The following PLEKHG7 variants were observed in gnomAD, a reference collection of about 807,000 sequenced individuals.
PLEKHG7 encodes pleckstrin homology domain-containing family G member 7.
In PLEKHG7, 77 loss-of-function variants were observed where a neutral mutation model predicts 85.2. The ratio of observed to expected loss-of-function variants is 0.90; its 90% CI spans 0.75 to 1.09. The LOEUF is 1.09. PLEKHG7 is among the 50% of genes least tolerant of loss of function. PLEKHG7 has a pLI of 0.00. For synonymous variants in PLEKHG7, 301 were observed against 302.4 expected (o/e 1.00, Z 0.05); for missense variants, 777 against 804.3 (o/e 0.97, Z 0.41).
intron 11 of PLEKHG7, among the ~76,000 whole-genome samples, chr12:92,755,243 T>C (rs1180745608): frequency 2.0e-5 from 3 of 152,218 alleles, no homozygotes; most frequent in Non-Finnish European, 4.4e-5. Flanking sequence ...ACCTTAAAGA[T>C]GGTGAATTCT....
chr12:92,706,983 G>A lies in PLEKHG7; in HGVS notation c.352G>A (p.Ala118Thr), dbSNP rs1291855582. ...LTSEPERALN[A>T]ADSLEPQTRP... ...CTCTGAACCTGAAAGGGCCCTGAAT[G>A]CAGCTGACTCACTGGAGCCCCAAAC... Residue 118 changes from alanine to threonine, a missense_variant, in exon 2 of 17, where the codon GCA (alanine) becomes ACA (threonine). Ala to Thr is a moderately conservative substitution (Grantham distance 58). Coordinates refer to ENST00000344636, the MANE Select transcript of PLEKHG7 (RefSeq NM_001377329.1). The A allele has an allele frequency of 6.2e-7, 1 of 1,614,154 alleles. No individual in the cohort carries two copies. Among genetic ancestry groups the A allele is most frequent in the Middle Eastern group, 1.6e-4 (1 of 6,062 alleles).
Position 92,770,270 on chromosome 12 carries a change from C to T in PLEKHG7, c.*75C>T, listed in dbSNP as rs1042381518. The stretch of plus-strand genomic sequence containing the variant: ...TAATTTCATTCAAAGTTTTGTAACA[C>T]TTAGCTAGTGATAAGCTAGAAGGAA... On this transcript the variant is annotated 3_prime_UTR_variant, in exon 17 of 17. Transcript: ENST00000344636. 3 of 1,089,272 alleles carry T rather than the reference C, an allele frequency of 2.8e-6. No homozygotes were observed. The highest frequency in any genetic ancestry group is 4.0e-6 in the Non-Finnish European group (3 of 741,690). 67.5% of individuals were successfully genotyped at this position (1,089,272 alleles called of 1,614,324 possible).
Position 92,706,604 on chromosome 12 carries a change from T to C in PLEKHG7, c.-28T>C. ...GCAACTCATACGTCTTCTGGAACCT[T>C]CTACCAACAGTAGAACCTCTTAGCT... is the stretch of plus-strand genomic sequence containing the variant. On this transcript the variant is annotated 5_prime_UTR_variant, in exon 2 of 17. Coordinates refer to ENST00000344636, the MANE Select transcript of PLEKHG7 (RefSeq NM_001377329.1). 1 of 1,564,806 alleles carries C rather than the reference T, an allele frequency of 6.4e-7. No homozygotes were observed. The highest frequency in any genetic ancestry group is 8.6e-7 in the Non-Finnish European group (1 of 1,157,366).
At chr12:92,736,410 G>A (rs1872151559) in intron 5 of PLEKHG7, 72 bp from the exon 6 acceptor site, 2 of 946,976 alleles carry the variant, frequency 2.1e-6, no homozygotes, top group South Asian at 1.1e-4. Context: ...AACGAAAGAT[G>A]CCAAGGCTAC....
chr12:92,737,749 G>GAGGGAGGAAGGGAAGGAAGGAAGGAAGGA (rs1872211145), intron 7 of PLEKHG7, among the ~76,000 whole-genome samples: 1 of 125,938 alleles, frequency 7.9e-6, no homozygotes, highest in Non-Finnish European at 1.6e-5. Flanking sequence ...GGGAGGGAGG[G>GAGGGAGGAAGGGAAGGAAGGAAGGAAGGA]AGGAAGGAAG....
At chr12:92,742,116 CTAATTTTA>C (rs1270630876) in intron 9 of PLEKHG7, among the ~76,000 whole-genome samples, 1 of 152,106 alleles carries the variant, frequency 6.6e-6, no homozygotes, top group Non-Finnish European at 1.5e-5. Context: ...GGTTTTTAAT[CTAATTTTA>C]ATCTAATTTC....
intron 9 of PLEKHG7, among the ~76,000 whole-genome samples, chr12:92,742,892 G>A (rs969428884): frequency 3.3e-5 from 5 of 152,084 alleles, no homozygotes; most frequent in African/African-American, 4.8e-5. Flanking sequence ...CTGGAGAAAT[G>A]TCAGCTTCTC....
chr12:92,753,301 GC>G (rs537517666), intron 10 of PLEKHG7, among the ~76,000 whole-genome samples: 50 of 152,188 alleles, frequency 3.3e-4, no homozygotes, highest in Non-Finnish European at 5.4e-4. Flanking sequence ...CTTCATTAAA[GC>G]CAGAGCCCCT....
Position 92,764,198 on chromosome 12 carries a change from T to G in PLEKHG7, c.1870+4T>G, listed in dbSNP as rs761593676. ...ATTGAACCACTCCATGTGTCAGGTA[T>G]GTGTCTATTTTCATTATTCAGCTCA... On this transcript the variant is annotated splice_donor_region_variant and intron_variant, in intron 15 of 16. Coordinates refer to ENST00000344636, the MANE Select transcript of PLEKHG7 (RefSeq NM_001377329.1). 2.0e-5 allele frequency: 32 copies of G among 1,599,256 alleles called. No individual in the cohort carries two copies. In the South Asian group the frequency reaches 3.4e-4, roughly 17 times the overall value.
At chr12:92,762,631 A>G (rs548144503) in intron 14 of PLEKHG7, among the ~76,000 whole-genome samples, 1 of 152,320 alleles carries the variant, frequency 6.6e-6, no homozygotes, top group East Asian at 1.9e-4. Flanking sequence ...GGTATCAAGT[A>G]GAGAAGTTTA....
Position 92,764,145 on chromosome 12 carries a change from T to C in PLEKHG7, c.1821T>C (p.Ile607=), listed in dbSNP as rs1873117399. The change falls in exon 15 of 17, where the codon ATT becomes ATC. Residue 607 remains isoleucine (I), a synonymous_variant. Coordinates refer to ENST00000344636, the MANE Select transcript of PLEKHG7 (RefSeq NM_001377329.1). ...GGSCTVLDQP[I]PLDRLVVKSI... Reference sequence around the variant, plus strand: ...CGTGTACAGTACTCGATCAGCCTATTCCACTAGATAGATTGGTAGTCAAAA... The same window carrying C: ...CGTGTACAGTACTCGATCAGCCTATCCCACTAGATAGATTGGTAGTCAAAA... 6.2e-7 allele frequency: 1 copy of C among 1,609,766 alleles called. No homozygotes were observed. Among genetic ancestry groups the C allele is most frequent in the African/African-American group, 1.3e-5 (1 of 74,764 alleles).
chr12:92,710,937 T>G (rs551269186), intron 3 of PLEKHG7, among the ~76,000 whole-genome samples: 8 of 152,248 alleles, frequency 5.3e-5, no homozygotes, highest in Non-Finnish European at 1.0e-4. Flanking sequence ...CTACGTGGGG[T>G]ACAAATATCT....
chr12:92,747,354 G>GAT (rs1008172989), intron 10 of PLEKHG7, among the ~76,000 whole-genome samples: 1 of 68,282 alleles, frequency 1.5e-5, no homozygotes, highest in Non-Finnish European at 3.1e-5. Context: ...TGACTACTAA[G>GAT]ATATCATCTT....
chr12:92,761,329 A>G (rs939761742), intron 13 of PLEKHG7, among the ~76,000 whole-genome samples: 2 of 152,154 alleles, frequency 1.3e-5, no homozygotes, highest in Non-Finnish European at 2.9e-5. Flanking sequence ...AAGCCACTAC[A>G]AATAACATCT....
At chr12:92,707,976 T>C (rs1300393444) in intron 3 of PLEKHG7, 3 of 425,450 alleles carry the variant, frequency 7.1e-6, no homozygotes, top group African/African-American at 6.0e-5. Context: ...TTTTGTCTGG[T>C]AGAGAAAATA....
intron 1 of PLEKHG7, among the ~76,000 whole-genome samples, chr12:92,704,785 C>G (rs1871183965): frequency 1.3e-5 from 2 of 152,124 alleles, no homozygotes; most frequent in Non-Finnish European, 2.9e-5. Flanking sequence ...ACTATGTTGC[C>G]CAGGCTGGTC....
chr12:92,717,688 C>T (rs538126167), intron 3 of PLEKHG7, among the ~76,000 whole-genome samples: 8 of 152,184 alleles, frequency 5.3e-5, no homozygotes, highest in Middle Eastern at 3.2e-3. Flanking sequence ...TACCATAACA[C>T]GGTGTACAGG....
chr12:92,756,388 G>T lies in PLEKHG7; in HGVS notation c.1633G>T (p.Ala545Ser), dbSNP rs900166826. The T allele has an allele frequency of 6.2e-7, 1 of 1,607,274 alleles. No homozygotes were observed. The highest frequency in any genetic ancestry group is 1.3e-5 in the African/African-American group (1 of 74,740). The change falls in exon 13 of 17, where the codon GCA becomes TCA. Residue 545 changes from alanine to serine, a missense_variant. Around this residue, in one of 3 missense-constraint regions of PLEKHG7, gnomAD observed 520 missense variants for 544.0 expected, o/e 0.96. Transcript: ENST00000344636. ...TCTCTATGAAGGAAAATTAACTCTTGCAGGTAAATAACTGCTTCCTTTAAA... is the reference window on the plus strand; with the variant it reads ...TCTCTATGAAGGAAAATTAACTCTTTCAGGTAAATAACTGCTTCCTTTAAA... Reference protein sequence around the residue: ...HLLYEGKLTLAESTRFLDVYL... With the variant: ...HLLYEGKLTLSESTRFLDVYL...
chr12:92,739,258 G>A (rs141370473), intron 7 of PLEKHG7, among the ~76,000 whole-genome samples: 3 of 152,266 alleles, frequency 2.0e-5, no homozygotes, highest in East Asian at 1.9e-4. Context: ...GTGCCCACCC[G>A]TGAGCCAAAT....
Sources: allele counts gnomAD v4.1 joint callset (sites outside exome capture counted in the v4.1 genomes callset), GRCh38; gene constraint gnomAD v4.1.1; regional missense constraint gnomAD v4.1.1; transcripts MANE v1.5; gene names NCBI Gene and HGNC (gene_info 2026-07-23, HGNC 2026-07-21).